The following DLGAP2 variants were observed in gnomAD, a reference collection of about 807,000 sequenced individuals.
DLGAP2 encodes the protein DLG associated protein 2.
Under a neutral mutation model 100.3 loss-of-function variants are expected in DLGAP2, and 26 were observed. That is an observed-to-expected ratio of 0.26 (90% CI 0.19 to 0.36). DLGAP2 has a LOEUF of 0.36. Among genes scored for constraint, DLGAP2 ranks in the 10% least tolerant of loss-of-function variants. DLGAP2 has a pLI of 1.00. For missense variants in DLGAP2, 1,858 were observed against 1,453.2 expected (o/e 1.28, Z -4.53); for synonymous variants, 886 against 630.1 (o/e 1.41, Z -6.08).
chr8:1,339,794 A>C (rs1379567186), intron 3 of DLGAP2, among the ~76,000 whole-genome samples: 1 of 152,208 alleles, frequency 6.6e-6, no homozygotes, highest in African/African-American at 2.4e-5. Context: ...ATAGCATGGA[A>C]GGCGATGGCT....
chr8:1,166,079 G>A (rs542713032), intron 2 of DLGAP2, among the ~76,000 whole-genome samples: 110 of 152,356 alleles, frequency 7.2e-4, no homozygotes, highest in African/African-American at 2.5e-3. Flanking sequence ...CTAAAGAGGA[G>A]GCTCTTGCCC....
chr8:805,583 A>G (rs1796252872), intron 1 of DLGAP2, among the ~76,000 whole-genome samples: 1 of 152,152 alleles, frequency 6.6e-6, no homozygotes, highest in African/African-American at 2.4e-5. Context: ...TGTAGTTTCT[A>G]ATGTTATAAA....
chr8:1,461,127 T>C (rs28629839), intron 3 of DLGAP2, among the ~76,000 whole-genome samples: 9 of 134,848 alleles, frequency 6.7e-5, no homozygotes, highest in African/African-American at 1.1e-4. Flanking sequence ...GTCGCTGATT[T>C]CGTGGCCAGG....
intron 8 of DLGAP2, among the ~76,000 whole-genome samples, chr8:1,657,481 C>G (rs1363332062): frequency 1.3e-5 from 2 of 152,204 alleles, no homozygotes; most frequent in Admixed American, 6.5e-5. Context: ...GTGTAAAATG[C>G]TTTCATTCAT....
At chr8:1,160,655 C>T (rs10103326) in intron 2 of DLGAP2, among the ~76,000 whole-genome samples, 28,848 of 152,132 alleles carry the variant, frequency 0.19, 2,871 homozygotes, top group Admixed American at 0.25. Flanking sequence ...TTCGTTTTTA[C>T]TTAAATGTGT....
chr8:827,864 G>C (rs1054527271), intron 1 of DLGAP2, among the ~76,000 whole-genome samples: 1 of 152,092 alleles, frequency 6.6e-6, no homozygotes, highest in Non-Finnish European at 1.5e-5. Flanking sequence ...TTTCCTAAGC[G>C]TCGGCTGGCT....
intron 2 of DLGAP2, among the ~76,000 whole-genome samples, chr8:1,198,832 T>C (rs1244183805): frequency 6.6e-6 from 1 of 152,214 alleles, no homozygotes; most frequent in Non-Finnish European, 1.5e-5. Flanking sequence ...CCTCCTGGGC[T>C]AGGCATTGGT....
At chr8:1,173,425 G>A (rs960190590) in intron 2 of DLGAP2, among the ~76,000 whole-genome samples, 1 of 152,186 alleles carries the variant, frequency 6.6e-6, no homozygotes, top group East Asian at 1.9e-4. Context: ...GTCAGACAGG[G>A]ACATTTAAGT....
chr8:1,408,463 C>G lies in DLGAP2; in HGVS notation c.107-92903C>G, dbSNP rs532849443. On this transcript the variant is annotated intron_variant, in intron 3 of 14. Transcript: ENST00000637795. Reference sequence around the variant, plus strand: ...TCCACGAGCATCTGGGGCACCGTGTCAAGTCCTGAAGCCCCCATGGCCCTG... The same window carrying G: ...TCCACGAGCATCTGGGGCACCGTGTGAAGTCCTGAAGCCCCCATGGCCCTG... 3.3e-5 allele frequency among the ~76,000 whole-genome samples: 5 copies of G among 152,318 alleles called. No homozygotes were observed. In the South Asian group the frequency reaches 1.0e-3, roughly 32 times the overall value.
intron 2 of DLGAP2, among the ~76,000 whole-genome samples, chr8:1,078,315 C>A (rs148324025): frequency 6.6e-6 from 1 of 152,210 alleles, no homozygotes; most frequent in South Asian, 2.1e-4. Context: ...AGAGTTCCCA[C>A]CTACTCTTTT....
At chr8:1,355,747 C>G (rs1471922053) in intron 3 of DLGAP2, among the ~76,000 whole-genome samples, 1 of 152,118 alleles carries the variant, frequency 6.6e-6, no homozygotes, top group Non-Finnish European at 1.5e-5. Context: ...CTGGTCCTGT[C>G]CCTGTGGACA....
intron 3 of DLGAP2, chr8:1,379,484 C>T (rs10106738): frequency 0.19 from 28,406 of 152,318 alleles, 4,829 homozygotes; most frequent in African/African-American, 0.44. Flanking sequence ...GAATTTCCTC[C>T]TCCCGCTTCC....
At chr8:1,633,174 T>A in intron 8 of DLGAP2, 128 bp downstream of exon 8, 1 of 838,638 alleles carries the variant, frequency 1.2e-6, no homozygotes, top group Non-Finnish European at 1.9e-6. Flanking sequence ...TAACGTTTCC[T>A]AATTGCATGT....
intron 2 of DLGAP2, among the ~76,000 whole-genome samples, chr8:1,197,825 G>C (rs202115705): frequency 6.6e-6 from 1 of 152,210 alleles, no homozygotes; most frequent in African/African-American, 2.4e-5. Flanking sequence ...CTCCTGCAGC[G>C]TTCCCTCCCA....
At chr8:1,693,181 AAT>A (rs1799298384) in intron 13 of DLGAP2, among the ~76,000 whole-genome samples, 1 of 148,270 alleles carries the variant, frequency 6.7e-6, no homozygotes, top group Non-Finnish European at 1.5e-5. Context: ...TATATATACA[AAT>A]ATATAGTATA....
intron 3 of DLGAP2, among the ~76,000 whole-genome samples, chr8:1,477,366 C>A (rs544333024): frequency 4.3e-4 from 65 of 152,310 alleles, no homozygotes; most frequent in African/African-American, 1.5e-3. Flanking sequence ...GCCTCCCCAC[C>A]CTCCGGCTCT....
At chr8:1,104,500 G>C (rs543484680) in intron 2 of DLGAP2, among the ~76,000 whole-genome samples, 1 of 152,314 alleles carries the variant, frequency 6.6e-6, no homozygotes, top group East Asian at 1.9e-4. Flanking sequence ...GTAAAACCAC[G>C]AGCATCTTCA....
chr8:1,316,575 A>G (rs1370175393), intron 3 of DLGAP2, among the ~76,000 whole-genome samples: 5 of 131,362 alleles, frequency 3.8e-5, no homozygotes, highest in African/African-American at 8.7e-5. Context: ...TCTCTCCAAC[A>G]GTGGTCTACA....
intron 2 of DLGAP2, among the ~76,000 whole-genome samples, chr8:1,232,009 T>TGGGAATAAA (rs1358583299): frequency 1.1e-4 from 16 of 152,184 alleles, no homozygotes; most frequent in Admixed American, 4.6e-4. Context: ...TAAATGCCAG[T>TGGGAATAAA]AGCCAAAAGA....
Sources: gnomAD v4.1 joint callset for allele counts (sites outside exome capture counted in the v4.1 genomes callset) on GRCh38, gnomAD v4.1.1 for gene constraint, MANE v1.5 for transcripts, NCBI Gene and HGNC (gene_info 2026-07-23, HGNC 2026-07-21) for gene names.